The following INPP5D variants were observed in gnomAD, a reference collection of about 807,000 sequenced individuals.
INPP5D encodes the protein inositol polyphosphate-5-phosphatase D.
Under a neutral mutation model 122.9 loss-of-function variants are expected in INPP5D, and 33 were observed. That is an observed-to-expected ratio of 0.27 (90% CI 0.20 to 0.36). INPP5D has a LOEUF of 0.36. Ranked by LOEUF, INPP5D falls within the 10% of genes least tolerant of loss-of-function variation. The pLI is 1.00. For synonymous variants in INPP5D, 584 were observed against 576.2 expected, an observed-to-expected ratio of 1.01 and a Z score of -0.19; for missense variants, 1,053 against 1,412.7, an observed-to-expected ratio of 0.75 and a Z score of 4.08.
intron 1 of INPP5D, among the ~76,000 whole-genome samples, chr2:233,067,554 A>G (rs1691262530): frequency 6.6e-6 from 1 of 152,230 alleles, no homozygotes; most frequent in Non-Finnish European, 1.5e-5. Context: ...TCTTGGGTCT[A>G]TATCTAGGAG....
rs1200923061 is a variant in INPP5D at position 233,189,681 on chromosome 2, A to T, written c.2359-169A>T. ...GAAGCTAACCCCCACCTTGCTGGAC[A>T]GGGTGTATGTGAAAGCTATACCCCA... is the stretch of plus-strand genomic sequence containing the variant. On this transcript the variant is annotated intron_variant, in intron 21 of 26. Coordinates refer to ENST00000445964, the MANE Select transcript of INPP5D (RefSeq NM_001017915.3). The surrounding 1 kb of genome is among the most constrained non-coding windows in gnomAD (Gnocchi z 5.6). Among the ~76,000 whole-genome samples, 1 of 152,128 alleles carries T rather than the reference A, an allele frequency of 6.6e-6. No individual in the cohort carries two copies.
intron 17 of INPP5D, among the ~76,000 whole-genome samples, chr2:233,174,809 A>C (rs1005252971): frequency 2.0e-5 from 3 of 151,622 alleles, no homozygotes; most frequent in Non-Finnish European, 2.9e-5. Context: ...AAAAAAAAAA[A>C]AGGACTTAAC....
At chr2:233,192,678 C>G (rs1695084566) in intron 22 of INPP5D, among the ~76,000 whole-genome samples, 1 of 152,196 alleles carries the variant, frequency 6.6e-6, no homozygotes, top group African/African-American at 2.4e-5. Context: ...TTTGTTGGTG[C>G]TATCAGTAAC....
At chr2:233,150,943 C>T (rs557516316) in intron 9 of INPP5D, among the ~76,000 whole-genome samples, 109 of 152,176 alleles carry the variant, frequency 7.2e-4, no homozygotes, top group Middle Eastern at 3.4e-3. Flanking sequence ...GTGCAGGGAA[C>T]GGGACAGGGG....
intron 2 of INPP5D, among the ~76,000 whole-genome samples, chr2:233,086,171 T>TTCTTTCTTTC (rs1691838529): frequency 6.7e-6 from 1 of 149,766 alleles, no homozygotes; most frequent in Non-Finnish European, 1.5e-5. Context: ...CTTTCTTTCT[T>TTCTTTCTTTC]TCTTTCTTTC....
intron 2 of INPP5D, among the ~76,000 whole-genome samples, chr2:233,095,793 G>A (rs1320753330): frequency 6.6e-6 from 1 of 151,978 alleles, no homozygotes; most frequent in Non-Finnish European, 1.5e-5. Context: ...ATAGGAAATA[G>A]AGATCCCCTT....
At chr2:233,103,702 CT>C (rs61589704) in intron 2 of INPP5D, among the ~76,000 whole-genome samples, 6,682 of 116,094 alleles carry the variant, frequency 0.058, 96 homozygotes, top group African/African-American at 0.11. Flanking sequence ...AAAAGTAGTT[CT>C]TTTTTTTTTT....
chr2:233,152,603 A>G (rs1693949048), intron 9 of INPP5D, among the ~76,000 whole-genome samples: 1 of 152,232 alleles, frequency 6.6e-6, no homozygotes, highest in South Asian at 2.1e-4. Flanking sequence ...GTAATGGGGA[A>G]AAGCCTTTCT....
intron 2 of INPP5D, among the ~76,000 whole-genome samples, chr2:233,114,771 G>A (rs1176358621): frequency 1.3e-5 from 2 of 152,124 alleles, no homozygotes; most frequent in African/African-American, 2.4e-5. Context: ...GCCGAGTGGT[G>A]TTTTCACCGT....
rs945980717 is a variant in INPP5D at position 233,072,375 on chromosome 2, T to C, written c.135-6960T>C. Among the ~76,000 whole-genome samples the C allele has an allele frequency of 2.6e-5, 4 of 152,236 alleles. No individual in the cohort carries two copies. In the East Asian group the frequency reaches 5.8e-4, roughly 22 times the overall value. On this transcript the variant is annotated intron_variant, in intron 1 of 26. Coordinates refer to ENST00000445964, the MANE Select transcript of INPP5D (RefSeq NM_001017915.3). ...GTGAAACCATTTTGCATGATTACAATGAACTATTCTTGATACAATACTTTT... is the reference window on the plus strand; with the variant it reads ...GTGAAACCATTTTGCATGATTACAACGAACTATTCTTGATACAATACTTTT...
chr2:233,137,963 T>C (rs1420512847), intron 5 of INPP5D, among the ~76,000 whole-genome samples: 2 of 43,246 alleles, frequency 4.6e-5, no homozygotes, highest in Admixed American at 4.2e-4. Flanking sequence ...GATATTATAT[T>C]ATAATATAAT....
chr2:233,150,346 G>A (rs1216070576), intron 9 of INPP5D, among the ~76,000 whole-genome samples: 1 of 152,196 alleles, frequency 6.6e-6, no homozygotes, highest in African/African-American at 2.4e-5. Flanking sequence ...CTGCCACCAT[G>A]TAAGACGTGA....
intron 9 of INPP5D, among the ~76,000 whole-genome samples, chr2:233,148,104 A>C (rs1389959601): frequency 6.6e-6 from 1 of 152,360 alleles, no homozygotes; most frequent in East Asian, 1.9e-4. Flanking sequence ...AGAACCATCA[A>C]ATCAACTCAT....
In INPP5D at chr2:233,128,061, G is replaced by A. The variant is rs935369621; in HGVS notation, c.524+2142G>A. The stretch of plus-strand genomic sequence containing the variant: ...TAGGAACTGGGTGGCAGCAGGAGGT[G>A]AGCGGAGGGCAAGCGAGCATTACCA... On this transcript the variant is annotated intron_variant, in intron 4 of 26. Coordinates refer to ENST00000445964, the MANE Select transcript of INPP5D (RefSeq NM_001017915.3). The surrounding 1 kb of genome is among the most constrained non-coding windows in gnomAD (Gnocchi z 4.5). Among the ~76,000 whole-genome samples the A allele has an allele frequency of 3.3e-5, 5 of 152,250 alleles. No homozygotes were observed. Among genetic ancestry groups the A allele is most frequent in the African/African-American group, 1.2e-4 (5 of 41,454 alleles).
chr2:233,171,723 T>C (rs371979483), intron 17 of INPP5D, among the ~76,000 whole-genome samples: 2 of 152,244 alleles, frequency 1.3e-5, no homozygotes, highest in East Asian at 3.8e-4. Context: ...TTAGGCACTC[T>C]CCTAGGTGAT....
chr2:233,137,671 G>A (rs1693502726), intron 5 of INPP5D, among the ~76,000 whole-genome samples: 1 of 148,400 alleles, frequency 6.7e-6, no homozygotes, highest in African/African-American at 2.5e-5. Context: ...GGCCAGGTTG[G>A]TCTTGAACTC....
At chr2:233,130,694 G>GTGAGAGAAACAGCTCA (rs1693298027) in intron 5 of INPP5D, 46 bp downstream of exon 5, 2 of 1,608,950 alleles carry the variant, frequency 1.2e-6, no homozygotes, top group African/African-American at 2.7e-5. Flanking sequence ...CGGCCACCAG[G>GTGAGAGAAACAGCTCA]TGAGAGAAAC....
chr2:233,194,321 C>G (rs1056617665), intron 23 of INPP5D, among the ~76,000 whole-genome samples: 4 of 152,082 alleles, frequency 2.6e-5, no homozygotes, highest in African/African-American at 9.7e-5. Context: ...CCAGGCTGTC[C>G]GGGGAAGGCC....
chr2:233,163,633 T>A (rs2106295144), intron 11 of INPP5D, 74 bp from the exon 12 acceptor site: 1 of 1,603,760 alleles, frequency 6.2e-7, no homozygotes, highest in Non-Finnish European at 8.5e-7. Flanking sequence ...ACTCCCGCCC[T>A]CTGTTTTGAA....
Sources: gnomAD v4.1 joint callset for allele counts (sites outside exome capture counted in the v4.1 genomes callset) on GRCh38, gnomAD v4.1.1 for gene constraint, Gnocchi (gnomAD v3.1) non-coding constraint, MANE v1.5 for transcripts, NCBI Gene and HGNC (gene_info 2026-07-23, HGNC 2026-07-21) for gene names.